Variants in EYS observed in about 807,000 individuals in gnomAD.
EYS encodes the protein protein eyes shut homolog.
Under a neutral mutation model 282.1 loss-of-function variants are expected in EYS, and 250 were observed. That is an observed-to-expected ratio of 0.89 (90% CI 0.80 to 0.98). The LOEUF (loss-of-function observed/expected upper bound fraction) is 0.98, where lower values mean the gene tolerates loss of function less well. Among genes scored for constraint, EYS ranks in the 50% least tolerant of loss-of-function variants. EYS has a pLI of 0.00. For missense variants in EYS, 4,016 were observed against 3,709.0 expected (o/e 1.08, Z -2.15); for synonymous variants, 1,355 against 1,282.9 (o/e 1.06, Z -1.20).
intron 35 of EYS, among the ~76,000 whole-genome samples, chr6:63,887,023 A>T (rs141359473): frequency 4.6e-4 from 70 of 152,346 alleles, no homozygotes; most frequent in Non-Finnish European, 8.1e-4. Flanking sequence ...TTCAAAGGGC[A>T]GGTAGGTCAG....
intron 28 of EYS, among the ~76,000 whole-genome samples, chr6:64,413,564 C>A (rs1471697512): frequency 1.5e-5 from 2 of 137,720 alleles, no homozygotes; most frequent in Non-Finnish European, 3.2e-5. Context: ...ACAACAAAAA[C>A]CCAAAAAAAA....
intron 29 of EYS, among the ~76,000 whole-genome samples, chr6:64,358,658 C>T (rs1001123282): frequency 6.6e-5 from 10 of 151,526 alleles, no homozygotes; most frequent in African/African-American, 1.5e-4. Context: ...CCAAGTCACA[C>T]GGTTTATGGC....
chr6:64,978,761 T>A (rs1770556744), intron 14 of EYS, among the ~76,000 whole-genome samples: 1 of 151,898 alleles, frequency 6.6e-6, no homozygotes, highest in South Asian at 2.1e-4. Context: ...TATTCCAATG[T>A]TCACAGAAGA....
chr6:65,111,973 G>A (rs1775225831), intron 12 of EYS, among the ~76,000 whole-genome samples: 1 of 151,960 alleles, frequency 6.6e-6, no homozygotes, highest in African/African-American at 2.4e-5. Flanking sequence ...GAGCTTATTT[G>A]CTCCAGTATC....
intron 36 of EYS, among the ~76,000 whole-genome samples, chr6:63,829,517 G>A (rs1771567229): frequency 6.6e-6 from 1 of 152,182 alleles, no homozygotes; most frequent in African/African-American, 2.4e-5. Flanking sequence ...GCTGGGGGAG[G>A]GGCGTCCACC....
chr6:64,520,647 G>T (rs1777707196), intron 26 of EYS, among the ~76,000 whole-genome samples: 1 of 151,704 alleles, frequency 6.6e-6, no homozygotes, highest in Non-Finnish European at 1.5e-5. Context: ...TCATTCTAGT[G>T]GGTGAGAGAC....
At chr6:64,874,204 A>G (rs1766676889) in intron 19 of EYS, among the ~76,000 whole-genome samples, 1 of 152,060 alleles carries the variant, frequency 6.6e-6, no homozygotes, top group South Asian at 2.1e-4. Flanking sequence ...TCAAAAGTAA[A>G]GATATTTTCT....
At chr6:64,023,939 T>G (rs1224362834) in intron 33 of EYS, among the ~76,000 whole-genome samples, 1 of 152,156 alleles carries the variant, frequency 6.6e-6, no homozygotes, top group Non-Finnish European at 1.5e-5. Flanking sequence ...GCTGCTGTGC[T>G]CAATTTCTCA....
intron 30 of EYS, among the ~76,000 whole-genome samples, chr6:64,233,398 G>A: frequency 6.6e-6 from 1 of 152,008 alleles, no homozygotes; most frequent in East Asian, 1.9e-4. Context: ...GAAATAAAAT[G>A]TATTCAATTT....
At chr6:63,928,547 TGTGTGC>T (rs1764791418) in intron 35 of EYS, among the ~76,000 whole-genome samples, 2 of 138,142 alleles carry the variant, frequency 1.4e-5, no homozygotes, top group Admixed American at 7.5e-5. Flanking sequence ...TGTGTGTGTG[TGTGTGC>T]GTGTGCGCAT....
At chr6:64,814,621 T>G (rs1272963008) in intron 21 of EYS, among the ~76,000 whole-genome samples, 1 of 152,066 alleles carries the variant, frequency 6.6e-6, no homozygotes, top group African/African-American at 2.4e-5. Flanking sequence ...CATGTCATAG[T>G]ACCACAAACA....
chr6:64,286,666 T>C (rs1043425945), intron 30 of EYS, among the ~76,000 whole-genome samples: 2 of 152,160 alleles, frequency 1.3e-5, no homozygotes, highest in Non-Finnish European at 1.5e-5. Context: ...ACTGTCAAGG[T>C]AGATTTCCTT....
chr6:64,573,365 T>G (rs1765783256), intron 26 of EYS, among the ~76,000 whole-genome samples: 1 of 152,166 alleles, frequency 6.6e-6, no homozygotes, highest in African/African-American at 2.4e-5. Context: ...CACATAGGTA[T>G]GGGCAAAGAC....
In EYS at chr6:65,571,692, G is replaced by A. The variant is rs567542541; in HGVS notation, c.-333+68086C>T. Among the ~76,000 whole-genome samples the A allele has an allele frequency of 2.6e-4, 40 of 151,958 alleles. No homozygotes were observed. In the South Asian group the frequency reaches 7.5e-3, roughly 28 times the overall value. ...TTGCATTTCTAAACAACAATAGTTC[G>A]ATAATGAAATTTTTCAAATGCTTTT... On this transcript the variant is annotated intron_variant, in intron 2 of 42. Transcript: ENST00000503581.
In EYS at chr6:64,638,728, T is replaced by C. The variant is rs1431558663; in HGVS notation, c.3444-12483A>G. On this transcript the variant is annotated intron_variant, in intron 22 of 42. Coordinates refer to ENST00000503581, the MANE Select transcript of EYS (RefSeq NM_001142800.2). ...TCAAAATATTCAAGTGCAGTCATTT[T>C]CAAGCAATTTTCTCTGACTATCTTT... Among the ~76,000 whole-genome samples the C allele has an allele frequency of 2.2e-5, 2 of 90,852 alleles. 1 individual carries two copies. Among genetic ancestry groups the C allele is most frequent in the East Asian group, 4.9e-4 (2 of 4,074 alleles). 59.6% of individuals were successfully genotyped at this position (90,852 alleles called of 152,430 possible).
At chr6:64,045,664 C>T (rs970380943) in intron 33 of EYS, among the ~76,000 whole-genome samples, 2 of 150,756 alleles carry the variant, frequency 1.3e-5, no homozygotes, top group African/African-American at 4.9e-5. Flanking sequence ...CCAGTCTAGT[C>T]TCAAACTCCT....
At chr6:64,695,606 A>G (rs1770550268) in intron 22 of EYS, among the ~76,000 whole-genome samples, 1 of 143,858 alleles carries the variant, frequency 7.0e-6, no homozygotes, top group Non-Finnish European at 1.5e-5. Context: ...TTTTTTTGAG[A>G]AGGAGTCTAG....
chr6:65,329,674 T>C, intron 11 of EYS: 1 of 981,810 alleles, frequency 1.0e-6, no homozygotes, highest in Non-Finnish European at 1.2e-6. Context: ...TAAAACCAAC[T>C]ATTCAACTTG....
chr6:65,547,515 A>T (rs1427786821), intron 2 of EYS, among the ~76,000 whole-genome samples: 1 of 152,012 alleles, frequency 6.6e-6, no homozygotes, highest in East Asian at 1.9e-4. Context: ...GTGTGTGTGT[A>T]TGTATGTGAA....
Sources: gnomAD v4.1 joint callset for allele counts (sites outside exome capture counted in the v4.1 genomes callset) on GRCh38, gnomAD v4.1.1 for gene constraint, MANE v1.5 for transcripts, NCBI Gene and HGNC (gene_info 2026-07-23, HGNC 2026-07-21) for gene names.